The following ZFAND3 variants were observed in gnomAD, a reference collection of about 807,000 sequenced individuals.
ZFAND3 encodes AN1-type zinc finger protein 3.
In ZFAND3, 10 loss-of-function variants were observed where a neutral mutation model predicts 29.6. The observed-to-expected ratio is 0.34, with a 90% CI of 0.21 to 0.57. ZFAND3 has a LOEUF of 0.57. ZFAND3 is among the 20% of genes least tolerant of loss of function. The pLI, the probability that ZFAND3 is intolerant of heterozygous loss-of-function variation, is 0.86. For synonymous variants in ZFAND3, 128 were observed against 112.6 expected, an observed-to-expected ratio of 1.14 and a Z score of -0.87; for missense variants, 230 against 304.5, an observed-to-expected ratio of 0.76 and a Z score of 1.82.
intron 2 of ZFAND3, among the ~76,000 whole-genome samples, chr6:38,011,597 G>A (rs1474660963): frequency 6.6e-6 from 1 of 152,018 alleles, no homozygotes; most frequent in African/African-American, 2.4e-5. Context: ...TGTACTTTGT[G>A]GCATTTATGC....
At chr6:37,940,720 A>T (rs567508435) in intron 2 of ZFAND3, among the ~76,000 whole-genome samples, 1 of 152,236 alleles carries the variant, frequency 6.6e-6, no homozygotes, top group Non-Finnish European at 1.5e-5. Flanking sequence ...AGAAAGAGAG[A>T]GTGACAATTT....
chr6:38,026,693 A>C (rs1054732190), intron 2 of ZFAND3, among the ~76,000 whole-genome samples: 1 of 152,116 alleles, frequency 6.6e-6, no homozygotes, highest in African/African-American at 2.4e-5. Context: ...GGCCTCCCAA[A>C]GTGCTAGGAT....
intron 1 of ZFAND3, among the ~76,000 whole-genome samples, chr6:37,876,095 T>C (rs1764788403): frequency 6.6e-6 from 1 of 152,190 alleles, no homozygotes; most frequent in Non-Finnish European, 1.5e-5. Context: ...GTTTGAAAAT[T>C]TGGAAAATTG....
chr6:38,081,438 T>C (rs537523847), intron 3 of ZFAND3, among the ~76,000 whole-genome samples: 8 of 152,146 alleles, frequency 5.3e-5, no homozygotes, highest in Non-Finnish European at 1.2e-4. Context: ...CTCAGAGCTC[T>C]TTCATCTTTC....
At chr6:38,135,496 G>A (rs1765822013) in intron 5 of ZFAND3, among the ~76,000 whole-genome samples, 1 of 152,224 alleles carries the variant, frequency 6.6e-6, no homozygotes, top group Non-Finnish European at 1.5e-5. Context: ...TGTAATCCCA[G>A]CACTTTGGGA....
At chr6:38,041,996 C>T (rs533747066) in intron 2 of ZFAND3, among the ~76,000 whole-genome samples, 8 of 149,584 alleles carry the variant, frequency 5.3e-5, no homozygotes, top group East Asian at 2.0e-4. Flanking sequence ...ACACCACACA[C>T]GGCTTTTTTT....
chr6:38,082,481 A>G, intron 4 of ZFAND3, 24 bp downstream of exon 4: 1 of 1,601,586 alleles, frequency 6.2e-7, no homozygotes, highest in Non-Finnish European at 8.5e-7. Context: ...TCTTATGTGA[A>G]TTCATCCTTA....
intron 1 of ZFAND3, among the ~76,000 whole-genome samples, chr6:37,829,102 C>T (rs973076336): frequency 6.6e-6 from 1 of 152,132 alleles, no homozygotes; most frequent in Non-Finnish European, 1.5e-5. Flanking sequence ...TTGCCTTTTC[C>T]TTTTAATATA....
chr6:37,945,389 A>G (rs1761883770), intron 2 of ZFAND3, among the ~76,000 whole-genome samples: 1 of 152,154 alleles, frequency 6.6e-6, no homozygotes, highest in South Asian at 2.1e-4. Flanking sequence ...TTGCATTGGA[A>G]GATCATTGAC....
In ZFAND3 at chr6:37,938,502, T is replaced by C. The variant is rs142995528; in HGVS notation, c.112+8503T>C. On this transcript the variant is annotated intron_variant, in intron 2 of 5. Transcript: ENST00000287218. ...CAGTTGCAATCCTGTGTTTTCTCTCTCTCTTTTTTTCAGCACTTGCTTGAC... is the reference window on the plus strand; with the variant it reads ...CAGTTGCAATCCTGTGTTTTCTCTCCCTCTTTTTTTCAGCACTTGCTTGAC... Among the ~76,000 whole-genome samples, 33 of 152,332 alleles carry C rather than the reference T, an allele frequency of 2.2e-4. 1 individual carries two copies. In the East Asian group the frequency reaches 6.2e-3, roughly 29 times the overall value.
intron 2 of ZFAND3, among the ~76,000 whole-genome samples, chr6:37,950,812 ACTTTGTT>A (rs1761985531): frequency 6.6e-6 from 1 of 152,046 alleles, no homozygotes; most frequent in African/African-American, 2.4e-5. Context: ...GATGCCTCCA[ACTTTGTT>A]CTTTTTGCTT....
chr6:38,030,188 A>C (rs888854434), intron 2 of ZFAND3, among the ~76,000 whole-genome samples: 1 of 139,846 alleles, frequency 7.2e-6, no homozygotes, highest in East Asian at 2.1e-4. Context: ...TTTCCTTTAA[A>C]ATTTTTTTTG....
intron 4 of ZFAND3, among the ~76,000 whole-genome samples, chr6:38,106,602 C>T (rs1415679374): frequency 6.6e-6 from 1 of 152,136 alleles, no homozygotes; most frequent in Non-Finnish European, 1.5e-5. Flanking sequence ...TCTTAAGCAC[C>T]CCATCCCCCA....
rs893321001 is a variant in ZFAND3 at position 38,153,987 on chromosome 6, G to T, written c.*1598G>T. On this transcript the variant is annotated 3_prime_UTR_variant, in exon 6 of 6. Coordinates refer to ENST00000287218, the MANE Select transcript of ZFAND3 (RefSeq NM_021943.3). ...AACTGCAAATGTTTTTTGATCCGACGTACTGAAATAGGAAGTCATGCTCTT... is the reference window on the plus strand; with the variant it reads ...AACTGCAAATGTTTTTTGATCCGACTTACTGAAATAGGAAGTCATGCTCTT... The T allele has an allele frequency of 1.0e-6, 1 of 985,314 alleles. No homozygotes were observed. The allele number at this position is 985,314 out of a possible 1,614,324, so 61.0% of individuals were successfully genotyped here.
intron 1 of ZFAND3, among the ~76,000 whole-genome samples, chr6:37,846,634 G>A (rs1401601531): frequency 6.6e-6 from 1 of 151,896 alleles, no homozygotes; most frequent in Non-Finnish European, 1.5e-5. Flanking sequence ...CACTCATCTA[G>A]AAAGAGGTGG....
intron 2 of ZFAND3, among the ~76,000 whole-genome samples, chr6:38,047,314 C>CAA (rs758026895): frequency 1.6e-4 from 18 of 111,652 alleles, no homozygotes; most frequent in East Asian, 1.2e-3. Flanking sequence ...GACTCTGTCT[C>CAA]AAAAAAAAAA....
At chr6:37,820,397 G>A (rs1409122174) in intron 1 of ZFAND3, among the ~76,000 whole-genome samples, 1 of 152,234 alleles carries the variant, frequency 6.6e-6, no homozygotes, top group African/African-American at 2.4e-5. Flanking sequence ...CTCCCTCCCG[G>A]GGCGTGAGTT....
intron 1 of ZFAND3, among the ~76,000 whole-genome samples, chr6:37,899,939 CATA>C (rs1765288785): frequency 1.3e-5 from 2 of 152,158 alleles, no homozygotes; most frequent in Non-Finnish European, 2.9e-5. Context: ...ATGTACTATA[CATA>C]CTATTCAGCT....
At chr6:37,990,391 A>G (rs1762738731) in intron 2 of ZFAND3, among the ~76,000 whole-genome samples, 1 of 152,070 alleles carries the variant, frequency 6.6e-6, no homozygotes, top group African/African-American at 2.4e-5. Context: ...CAGGGTATGT[A>G]CTTCCTAGAG....
Sources: allele counts gnomAD v4.1 joint callset (sites outside exome capture counted in the v4.1 genomes callset), GRCh38; gene constraint gnomAD v4.1.1; transcripts MANE v1.5; gene names NCBI Gene and HGNC (gene_info 2026-07-23, HGNC 2026-07-21).